USH2A: variants seen among roughly 807,000 people sequenced by gnomAD.
USH2A encodes the protein usherin, also known as Usher syndrome 2A (autosomal recessive, mild).
USH2A carries 443 observed loss-of-function variants against 538.9 expected under a neutral mutation model. The observed-to-expected ratio is 0.82, with a 90% confidence interval of 0.76 to 0.89. The LOEUF is 0.89. USH2A is among the 40% of genes least tolerant of loss of function. USH2A has a pLI of 0.00. For missense variants in USH2A, 6,633 were observed against 6,324.8 expected (o/e 1.05, Z -1.65); for synonymous variants, 2,413 against 2,273.5 (o/e 1.06, Z -1.75).
chr1:215,930,384 C>T (rs999459960), intron 38 of USH2A, among the ~76,000 whole-genome samples: 2 of 150,458 alleles, frequency 1.3e-5, no homozygotes, highest in African/African-American at 4.9e-5. Flanking sequence ...CAGTTTCAGA[C>T]AAGATTTCAG....
intron 21 of USH2A, among the ~76,000 whole-genome samples, chr1:216,133,081 A>C (rs1300165687): frequency 2.6e-5 from 4 of 152,132 alleles, no homozygotes; most frequent in Admixed American, 2.6e-4. Context: ...TTCCAAGGTC[A>C]AAGAAGTTTA....
At chr1:215,832,463 C>G (rs897388366) in intron 47 of USH2A, among the ~76,000 whole-genome samples, 4 of 151,864 alleles carry the variant, frequency 2.6e-5, no homozygotes, top group Admixed American at 2.0e-4. Context: ...CCAGCGAATA[C>G]AAACTAGTTC....
intron 4 of USH2A, among the ~76,000 whole-genome samples, chr1:216,358,570 A>G (rs941188762): frequency 6.6e-6 from 1 of 152,140 alleles, no homozygotes; most frequent in Non-Finnish European, 1.5e-5. Flanking sequence ...GAGAGGTGGC[A>G]TGGAGCCTGG....
chr1:216,029,992 T>TAGATATATAATGATATATATCAC lies in USH2A; in HGVS notation c.6325+16438_6325+16439insGTGATATATATCATTATATATCT, dbSNP rs1558220355. ...GATAGAGAGAGATATAGATATATCA[T>TAGATATATAATGATATATATCAC]AGATATATAATATATGATATATATG... On this transcript the variant is annotated intron_variant, in intron 32 of 71. Coordinates refer to ENST00000307340, the MANE Select transcript of USH2A (RefSeq NM_206933.4). Among the ~76,000 whole-genome samples, 34 of 116,342 alleles carry TAGATATATAATGATATATATCAC rather than the reference T, an allele frequency of 2.9e-4. No homozygotes were observed. The East Asian group carries it at 9.0e-3, about 31-fold the overall frequency. 76.3% of individuals were successfully genotyped at this position (116,342 alleles called of 152,430 possible). A position where few individuals can be genotyped will look rare whatever the true frequency, so the allele number is the denominator to read the frequency against.
chr1:216,175,476 G>C lies in USH2A; in HGVS notation c.4403C>G (p.Ala1468Gly), dbSNP rs2102641265. ...TTTAACCAGAGGTGGCCTCAGTTGT[G>C]CTGGTGCTAAATATTAGAAAACACC... The part of the protein sequence containing the change: ...GAGQTLAAAP[A>G]QLRPPLVKGI... Residue 1468 changes from alanine (A) to glycine (G), a missense_variant, in exon 21 of 72, where the codon GCA becomes GGA. Transcript: ENST00000307340. 3 of 1,613,654 alleles carry C rather than the reference G, an allele frequency of 1.9e-6. No individual in the cohort carries two copies. The highest frequency in any genetic ancestry group is 2.5e-6 in the Non-Finnish European group (3 of 1,179,832).
rs773109018 is a variant in USH2A, at chr1:215,639,147, T to C, written c.15052+8A>G. On this transcript the variant is annotated splice_region_variant and intron_variant, in intron 69 of 71. Coordinates refer to ENST00000307340, the MANE Select transcript of USH2A (RefSeq NM_206933.4). ...GGTGCTACGCCAAGTATAATATGAG[T>C]TGTTTACCAAGTCCAGTAGAGGTAT... 14 of 1,613,776 alleles carry C rather than the reference T, an allele frequency of 8.7e-6. No homozygotes were observed. Among genetic ancestry groups the C allele is most frequent in the Non-Finnish European group, 1.2e-5 (14 of 1,179,810 alleles).
chr1:216,198,900 C>A (rs989516421), intron 17 of USH2A, among the ~76,000 whole-genome samples: 2 of 152,084 alleles, frequency 1.3e-5, no homozygotes, highest in South Asian at 2.1e-4. Flanking sequence ...TAAATTCAAT[C>A]TTTTTCAGAA....
At chr1:215,890,611 G>A (rs866998832) in intron 40 of USH2A, among the ~76,000 whole-genome samples, 2 of 152,058 alleles carry the variant, frequency 1.3e-5, no homozygotes, top group African/African-American at 4.8e-5. Context: ...CACACTTTCC[G>A]TTTCAGTCTC....
chr1:215,858,912 A>T (rs1465214797), intron 44 of USH2A, among the ~76,000 whole-genome samples: 1 of 152,112 alleles, frequency 6.6e-6, no homozygotes, highest in African/African-American at 2.4e-5. Context: ...TATTTCTCAC[A>T]ATCTGGAGGC....
chr1:216,415,394 C>T (rs1398704629), intron 3 of USH2A, among the ~76,000 whole-genome samples: 2 of 151,850 alleles, frequency 1.3e-5, no homozygotes, highest in African/African-American at 4.8e-5. Context: ...GCAATTAGTA[C>T]ATTCCTTATT....
intron 64 of USH2A, among the ~76,000 whole-genome samples, chr1:215,664,214 A>G (rs2102655508): frequency 6.6e-6 from 1 of 152,348 alleles, no homozygotes; most frequent in East Asian, 1.9e-4. Context: ...TCAGGAACAT[A>G]AATGAGACTT....
At chr1:216,305,738 G>T (rs2037304345) in intron 9 of USH2A, among the ~76,000 whole-genome samples, 1 of 152,062 alleles carries the variant, frequency 6.6e-6, no homozygotes, top group Non-Finnish European at 1.5e-5. Context: ...TTGTTTGTCG[G>T]AAAAAGACTG....
intron 55 of USH2A, among the ~76,000 whole-genome samples, 194 bp downstream of exon 55, chr1:215,779,649 C>T (rs771581317): frequency 6.6e-6 from 1 of 152,154 alleles, no homozygotes; most frequent in Non-Finnish European, 1.5e-5. Flanking sequence ...CTGAAGTTAT[C>T]TGCTGTTGTG....
chr1:215,807,517 G>A (rs1662537401), intron 49 of USH2A, among the ~76,000 whole-genome samples: 1 of 152,090 alleles, frequency 6.6e-6, no homozygotes, highest in South Asian at 2.1e-4. Context: ...GTCTCTAAAT[G>A]TCAATTTTGT....
intron 70 of USH2A, 117 bp from the exon 71 acceptor site, chr1:215,629,152 C>A: frequency 9.1e-7 from 1 of 1,096,352 alleles, no homozygotes; most frequent in East Asian, 2.4e-5. Context: ...TGACAATTGT[C>A]ACATTGTCAA....
intron 11 of USH2A, among the ~76,000 whole-genome samples, chr1:216,274,108 T>C (rs2036625116): frequency 6.6e-6 from 1 of 152,060 alleles, no homozygotes; most frequent in Non-Finnish European, 1.5e-5. Context: ...ACTTGCTACC[T>C]ACTCTGCCAC....
At chr1:215,966,381 C>T (rs886198133) in intron 36 of USH2A, among the ~76,000 whole-genome samples, 2 of 152,110 alleles carry the variant, frequency 1.3e-5, no homozygotes, top group Admixed American at 6.6e-5. Flanking sequence ...AGATATTTGA[C>T]CTTTCACAAT....
At position 216,196,664 on chromosome 1, in the gene USH2A, G is replaced by C; in HGVS notation, c.4140C>G (p.Ile1380Met). 1 of 1,613,538 alleles carries C rather than the reference G, an allele frequency of 6.2e-7. No homozygotes were observed. The highest frequency in any genetic ancestry group is 8.5e-7 in the Non-Finnish European group (1 of 1,179,714). Residue 1380 changes from isoleucine (I) to methionine (M), a missense_variant, in exon 19 of 72, where the codon ATC (isoleucine) becomes ATG (methionine). Transcript: ENST00000307340. ...VFPLSSYSLN[I>M]SWEKPADNVT... Reference sequence around the variant, plus strand: ...CATTATCTGCTGGCTTCTCCCAGGAGATATTGAGAGAGTACGAAGAGAGGG... The same window carrying C: ...CATTATCTGCTGGCTTCTCCCAGGACATATTGAGAGAGTACGAAGAGAGGG...
In USH2A at chr1:215,844,326, C is replaced by A. The variant is rs1663778687; in HGVS notation, c.9226G>T (p.Asp3076Tyr). The A allele has an allele frequency of 1.9e-6, 3 of 1,613,744 alleles. No homozygotes were observed. The highest frequency in any genetic ancestry group is 2.5e-6 in the Non-Finnish European group (3 of 1,179,804). ...TCATAGATAGTGAAGGGAGACAGGT[C>A]TCTCAGAATAAACGACCCAGGCACA... ...MNVPGSFILR[D>Y]LSPFTIYDIQ... Residue 3076 changes from aspartate (D) to tyrosine (Y), a missense_variant, in exon 46 of 72, where the codon GAC (aspartate) becomes TAC (tyrosine). By Grantham distance (160) the Asp-to-Tyr change is radical. Coordinates refer to ENST00000307340, the MANE Select transcript of USH2A (RefSeq NM_206933.4).
Sources: gnomAD v4.1 joint callset for allele counts (sites outside exome capture counted in the v4.1 genomes callset) on GRCh38, gnomAD v4.1.1 for gene constraint, MANE v1.5 for transcripts, NCBI Gene and HGNC (gene_info 2026-07-23, HGNC 2026-07-21) for gene names.